Variants in CCDC3 observed in about 807,000 individuals in gnomAD.
CCDC3 encodes coiled-coil domain containing 3.
Under a neutral mutation model 21.4 loss-of-function variants are expected in CCDC3, and 24 were observed. That is an observed-to-expected ratio of 1.12 (90% CI 0.81 to 1.58). The LOEUF (loss-of-function observed/expected upper bound fraction) is 1.58. Among genes scored for constraint, CCDC3 ranks in the 40% most tolerant of loss-of-function variants. The pLI is 0.00. For synonymous variants in CCDC3, 186 were observed against 166.0 expected (o/e 1.12, Z -0.93); for missense variants, 425 against 360.9 (o/e 1.18, Z -1.44).
chr10:13,072,239 AC>A (rs1836892337), intron 4 of CCDC3, among the ~76,000 whole-genome samples: 2 of 152,106 alleles, frequency 1.3e-5, no homozygotes, highest in Admixed American at 6.6e-5. Flanking sequence ...AGAGCCTCGG[AC>A]GATGGCCTTT....
intron 2 of CCDC3, among the ~76,000 whole-genome samples, chr10:12,978,948 C>T (rs536639324): frequency 1.1e-4 from 17 of 152,274 alleles, no homozygotes; most frequent in African/African-American, 3.4e-4. Flanking sequence ...AACTGAGTCA[C>T]GCAACACCGC....
chr10:13,017,895 C>T (rs181913618), intron 5 of CCDC3, among the ~76,000 whole-genome samples: 4 of 152,088 alleles, frequency 2.6e-5, no homozygotes, highest in Admixed American at 2.0e-4. Flanking sequence ...GCTTCAAAAT[C>T]TTATTCCACA....
intron 4 of CCDC3, among the ~76,000 whole-genome samples, chr10:13,050,981 A>G (rs533964328): frequency 1.9e-3 from 292 of 151,924 alleles, no homozygotes; most frequent in African/African-American, 6.4e-3. Context: ...TGTAGAGACC[A>G]GGTCTCACTA....
chr10:13,075,448 T>A (rs199502264), intron 3 of CCDC3, among the ~76,000 whole-genome samples: 130 of 10,388 alleles, frequency 0.013, 1 homozygote, highest in African/African-American at 0.053. Context: ...TGTTTTTTTG[T>A]TTTTTTTTTC....
rs748809673 is a variant in CCDC3 at position 12,898,436 on chromosome 10, G to T, written c.793C>A (p.Pro265Thr). 6.9e-6 allele frequency: 11 copies of T among 1,604,410 alleles called. No individual in the cohort carries two copies. Among genetic ancestry groups the T allele is most frequent in the East Asian group, 2.2e-5 (1 of 44,656 alleles). ...GCCCGTTACCCCCGCAGGTAGGGGG[G>T]GCGCACGGGCCCCCGGGCATTGATG... ...PHINARGPVR[P>T]PYLRG The change falls in exon 3 of 3, where the codon CCC becomes ACC. Residue 265 changes from proline to threonine, a missense_variant. Pro to Thr is a conservative substitution (Grantham distance 38). Transcript: ENST00000378825.
chr10:13,040,318 C>T (rs761277694), intron 5 of CCDC3, among the ~76,000 whole-genome samples: 4 of 152,166 alleles, frequency 2.6e-5, no homozygotes, highest in African/African-American at 7.2e-5. Context: ...TATGTTAACA[C>T]GTTTGCCAGC....
intron 2 of CCDC3, among the ~76,000 whole-genome samples, chr10:12,903,574 C>G (rs1474189381): frequency 6.6e-6 from 1 of 152,218 alleles, no homozygotes; most frequent in Non-Finnish European, 1.5e-5. Flanking sequence ...TACAGGGCAG[C>G]CCCAAAGCAA....
chr10:13,052,722 T>C lies in CCDC3; in HGVS notation c.-269-2781A>G, dbSNP rs576792139. Reference sequence around the variant, plus strand: ...TGGGAGGCTGAGGCAGGCGGATCACTTGAAGCCAGGAGTTCGAGACCAGCC... The same window carrying C: ...TGGGAGGCTGAGGCAGGCGGATCACCTGAAGCCAGGAGTTCGAGACCAGCC... On this transcript the variant is annotated intron_variant, in intron 4 of 6. Transcript: ENST00000378839. Among the ~76,000 whole-genome samples the C allele has an allele frequency of 9.9e-5, 15 of 152,136 alleles. No individual in the cohort carries two copies. In the South Asian group the frequency reaches 2.9e-3, roughly 30 times the overall value.
chr10:12,980,784 C>T (rs556867362), intron 2 of CCDC3, among the ~76,000 whole-genome samples: 2 of 152,026 alleles, frequency 1.3e-5, no homozygotes, highest in Non-Finnish European at 2.9e-5. Context: ...TCAGACCCCA[C>T]GTCTGCATGG....
At chr10:12,953,601 G>A (rs1056550668) in intron 2 of CCDC3, among the ~76,000 whole-genome samples, 5 of 152,238 alleles carry the variant, frequency 3.3e-5, no homozygotes, top group African/African-American at 1.2e-4. Flanking sequence ...AACATGGGCA[G>A]AGTTTTCTCT....
intron 4 of CCDC3, among the ~76,000 whole-genome samples, chr10:13,054,611 A>G (rs1335442490): frequency 6.6e-6 from 1 of 152,138 alleles, no homozygotes; most frequent in Non-Finnish European, 1.5e-5. Context: ...GCCGAGGGGA[A>G]AAGTTAAGCC....
At chr10:13,062,252 C>T (rs551412871) in intron 4 of CCDC3, among the ~76,000 whole-genome samples, 1 of 152,198 alleles carries the variant, frequency 6.6e-6, no homozygotes, top group Admixed American at 6.5e-5. Context: ...TTGTGCTTCT[C>T]CTGAACAATT....
upstream of CCDC3, among the ~76,000 whole-genome samples, chr10:13,005,317 C>T (rs1041995148): frequency 2.6e-5 from 4 of 152,196 alleles, no homozygotes; most frequent in Admixed American, 6.5e-5. Context: ...GAAGAGGCAA[C>T]GTACCTTCAG....
At chr10:12,907,229 T>G (rs1400284112) in intron 2 of CCDC3, among the ~76,000 whole-genome samples, 2 of 152,168 alleles carry the variant, frequency 1.3e-5, no homozygotes, top group African/African-American at 4.8e-5. Context: ...GGATGCAGGT[T>G]GAAATAGAAG....
chr10:12,969,315 A>T (rs1037394207), intron 2 of CCDC3, among the ~76,000 whole-genome samples: 2 of 152,182 alleles, frequency 1.3e-5, no homozygotes, highest in Non-Finnish European at 2.9e-5. Context: ...AATGATGATG[A>T]GGATGTGGAG....
At chr10:13,027,158 G>A (rs1278141078) in intron 5 of CCDC3, among the ~76,000 whole-genome samples, 3 of 152,148 alleles carry the variant, frequency 2.0e-5, no homozygotes, top group Non-Finnish European at 4.4e-5. Context: ...TGGGCAAGCT[G>A]GAGGGTGGAG....
At chr10:13,036,348 A>T (rs1836377419) in intron 5 of CCDC3, among the ~76,000 whole-genome samples, 1 of 152,212 alleles carries the variant, frequency 6.6e-6, no homozygotes, top group South Asian at 2.1e-4. Flanking sequence ...ATATTTTTTA[A>T]AACTTCAAGT....
At chr10:13,028,510 G>A (rs1836254840) in intron 5 of CCDC3, among the ~76,000 whole-genome samples, 1 of 151,940 alleles carries the variant, frequency 6.6e-6, no homozygotes, top group African/African-American at 2.4e-5. Context: ...CAACTCATTG[G>A]GATTTTGAGT....
chr10:12,920,903 T>C (rs1038092526), intron 2 of CCDC3, among the ~76,000 whole-genome samples: 1 of 152,190 alleles, frequency 6.6e-6, no homozygotes, highest in African/African-American at 2.4e-5. Flanking sequence ...CTAGGAAAAC[T>C]TGAGGTCTTC....
Sources: gnomAD v4.1 joint callset for allele counts (sites outside exome capture counted in the v4.1 genomes callset) on GRCh38, gnomAD v4.1.1 for gene constraint, MANE v1.5 for transcripts, NCBI Gene and HGNC (gene_info 2026-07-23, HGNC 2026-07-21) for gene names.